Variants in CPVL observed in about 807,000 individuals in gnomAD.
The protein encoded by CPVL is probable serine carboxypeptidase CPVL.
CPVL carries 51 observed loss-of-function variants against 63.7 expected under a neutral mutation model. The observed-to-expected ratio is 0.80, with a 90% CI of 0.64 to 1.01. The LOEUF (loss-of-function observed/expected upper bound fraction) is 1.01, where lower values mean the gene tolerates loss of function less well. Ranked by LOEUF, CPVL falls within the 50% of genes least tolerant of loss-of-function variation. The pLI is 0.00. For missense variants in CPVL, 530 were observed against 573.1 expected (o/e 0.92, Z 0.77); for synonymous variants, 195 against 206.0 (o/e 0.95, Z 0.46).
At chr7:29,025,929 A>T (rs1490006041) in intron 12 of CPVL, among the ~76,000 whole-genome samples, 1 of 152,182 alleles carries the variant, frequency 6.6e-6, no homozygotes, top group African/African-American at 2.4e-5. Flanking sequence ...GAAAAATAAG[A>T]AAGAAACGTC....
At chr7:29,138,426 C>T (rs1368770913) in intron 1 of CPVL, among the ~76,000 whole-genome samples, 3 of 151,986 alleles carry the variant, frequency 2.0e-5, no homozygotes, top group Non-Finnish European at 2.9e-5. Context: ...GGCAAAAGAG[C>T]GAGACTACGT....
At chr7:29,192,358 C>G (rs998019296) in intron 1 of CPVL, 1 of 152,116 alleles carries the variant, frequency 6.6e-6, no homozygotes, top group Admixed American at 6.5e-5. Flanking sequence ...TTTACTTTCT[C>G]CAGTTAAAAC....
At chr7:29,131,598 G>A (rs924412571) in intron 1 of CPVL, among the ~76,000 whole-genome samples, 8 of 152,000 alleles carry the variant, frequency 5.3e-5, no homozygotes, top group Non-Finnish European at 8.8e-5. Context: ...AGCAACTTCC[G>A]CCTCCTGAGG....
At chr7:29,030,333 CTT>C (rs1392704856) in intron 12 of CPVL, among the ~76,000 whole-genome samples, 1 of 152,178 alleles carries the variant, frequency 6.6e-6, no homozygotes, top group Admixed American at 6.5e-5. Context: ...TGAGCACTGT[CTT>C]TTTAATGAAT....
intron 12 of CPVL, among the ~76,000 whole-genome samples, chr7:29,002,486 T>G (rs1784741158): frequency 6.6e-6 from 1 of 152,082 alleles, no homozygotes; most frequent in Admixed American, 6.6e-5. Flanking sequence ...TTGTACATTT[T>G]CTTCAACATT....
chr7:29,177,915 A>C (rs1314785131), intron 5 of CPVL, among the ~76,000 whole-genome samples: 1 of 152,152 alleles, frequency 6.6e-6, no homozygotes, highest in Non-Finnish European at 1.5e-5. Context: ...CACATGTCCG[A>C]AACACAACCC....
chr7:29,068,843 C>T (rs1312750120), intron 9 of CPVL, among the ~76,000 whole-genome samples: 4 of 151,490 alleles, frequency 2.6e-5, no homozygotes, highest in African/African-American at 4.8e-5. Flanking sequence ...TACAGGCGCC[C>T]GCCACTACGC....
chr7:29,143,346 CA>C (rs1425303527), intron 1 of CPVL, among the ~76,000 whole-genome samples: 1 of 152,168 alleles, frequency 6.6e-6, no homozygotes, highest in East Asian at 1.9e-4. Flanking sequence ...GTTGATTAAT[CA>C]ATTGAAATCA....
intron 7 of CPVL, among the ~76,000 whole-genome samples, chr7:29,073,654 A>G (rs1309024117): frequency 1.3e-5 from 2 of 151,996 alleles, no homozygotes; most frequent in Non-Finnish European, 2.9e-5. Flanking sequence ...AATTCCCTCA[A>G]TGTCCTATAT....
chr7:29,131,976 T>C (rs1790747603), intron 1 of CPVL, among the ~76,000 whole-genome samples: 1 of 152,144 alleles, frequency 6.6e-6, no homozygotes, highest in Non-Finnish European at 1.5e-5. Flanking sequence ...CCTTAGCTCA[T>C]ACAATGAATA....
At chr7:29,140,106 C>T (rs1562788993) in intron 1 of CPVL, among the ~76,000 whole-genome samples, 1 of 152,182 alleles carries the variant, frequency 6.6e-6, no homozygotes, top group African/African-American at 2.4e-5. Context: ...TACCTACCCT[C>T]CCTCAGCACT....
intron 7 of CPVL, among the ~76,000 whole-genome samples, chr7:29,079,574 C>A (rs977052583): frequency 6.6e-6 from 1 of 152,222 alleles, no homozygotes; most frequent in African/African-American, 2.4e-5. Context: ...GTCTACCATA[C>A]AGTCCATTCT....
chr7:29,046,962 A>C (rs1344482529), intron 11 of CPVL, among the ~76,000 whole-genome samples: 1 of 152,226 alleles, frequency 6.6e-6, no homozygotes, highest in Non-Finnish European at 1.5e-5. Flanking sequence ...TATACATGAT[A>C]TAATCAATGG....
chr7:29,158,241 T>A (rs1794696966), intron 5 of CPVL, among the ~76,000 whole-genome samples: 1 of 152,202 alleles, frequency 6.6e-6, no homozygotes, highest in African/African-American at 2.4e-5. Flanking sequence ...CCTTCAGTGT[T>A]CTTTGCCATT....
intron 3 of CPVL, among the ~76,000 whole-genome samples, chr7:29,106,317 G>A (rs954207333): frequency 3.3e-5 from 5 of 152,094 alleles, no homozygotes; most frequent in South Asian, 2.1e-4. Flanking sequence ...CCTGCTCACC[G>A]GCAAGGCCTA....
intron 9 of CPVL, 147 bp from the exon 10 acceptor site, chr7:29,066,268 G>T: frequency 3.5e-6 from 2 of 565,148 alleles, no homozygotes; most frequent in South Asian, 4.8e-5. Flanking sequence ...CATATTCTCT[G>T]TGCTAGACAC....
intron 12 of CPVL, among the ~76,000 whole-genome samples, chr7:29,022,651 C>T (rs565281822): frequency 6.6e-6 from 1 of 152,350 alleles, no homozygotes; most frequent in African/African-American, 2.4e-5. Flanking sequence ...TTGCCAGTGC[C>T]TGTGCATGTT....
chr7:29,083,818 G>A (rs148944347), intron 7 of CPVL, among the ~76,000 whole-genome samples: 263 of 152,114 alleles, frequency 1.7e-3, no homozygotes, highest in African/African-American at 6.0e-3. Context: ...TTCAAAACCC[G>A]GTTTAATTGT....
At chr7:29,128,105 A>AC (rs1444475851) in intron 1 of CPVL, 1 of 149,792 alleles carries the variant, frequency 6.7e-6, no homozygotes, top group African/African-American at 2.5e-5. Flanking sequence ...TGGCTGTGAC[A>AC]CCCCACTAGT....
Sources: allele counts gnomAD v4.1 joint callset (sites outside exome capture counted in the v4.1 genomes callset), GRCh38; gene constraint gnomAD v4.1.1; transcripts MANE v1.5; gene names NCBI Gene and HGNC (gene_info 2026-07-23, HGNC 2026-07-21).